Variants in DENND1A observed in about 807,000 individuals in gnomAD.
The protein encoded by DENND1A is DENN domain-containing protein 1A.
Under a neutral mutation model 113.7 loss-of-function variants are expected in DENND1A, and 51 were observed. The ratio of observed to expected loss-of-function variants is 0.45; its 90% CI spans 0.36 to 0.57. DENND1A has a LOEUF of 0.57. Ranked by LOEUF, DENND1A falls within the 20% of genes least tolerant of loss-of-function variation. The pLI is 0.00. For missense variants in DENND1A, 1,258 were observed against 1,395.9 expected, an observed-to-expected ratio of 0.90 and a Z score of 1.57; for synonymous variants, 565 against 570.8, an observed-to-expected ratio of 0.99 and a Z score of 0.14.
chr9:123,852,645 C>A (rs974677007), intron 2 of DENND1A, among the ~76,000 whole-genome samples: 1 of 152,192 alleles, frequency 6.6e-6, no homozygotes, highest in Non-Finnish European at 1.5e-5. Context: ...TCCCAGTGCA[C>A]TTATGCGACG....
chr9:123,673,815 C>T (rs2063885938), intron 6 of DENND1A, among the ~76,000 whole-genome samples: 1 of 152,200 alleles, frequency 6.6e-6, no homozygotes, highest in South Asian at 2.1e-4. Context: ...TCTGTGACTT[C>T]ATCCTACGAA....
chr9:123,504,654 T>C (rs1049266892), intron 13 of DENND1A, among the ~76,000 whole-genome samples: 11 of 152,204 alleles, frequency 7.2e-5, no homozygotes, highest in Admixed American at 2.6e-4. Context: ...CATGGGTCTT[T>C]GGAGACCTGC....
intron 5 of DENND1A, among the ~76,000 whole-genome samples, chr9:123,731,733 A>G (rs1317723282): frequency 6.6e-6 from 1 of 152,228 alleles, no homozygotes; most frequent in Non-Finnish European, 1.5e-5. Context: ...TGATTTTATC[A>G]AAATTAAAAT....
chr9:123,564,980 CTTTTTTTTTTTTTTTT>C lies in DENND1A; in HGVS notation c.868-7301_868-7286del, dbSNP rs199613371. 4.9e-3 allele frequency among the ~76,000 whole-genome samples: 368 copies of C among 75,742 alleles called. 5 individuals are homozygous for C. Among genetic ancestry groups the C allele is most frequent in the African/African-American group, 0.017 (326 of 19,052 alleles). The allele number at this position is 75,742 out of a possible 152,430, so 49.7% of individuals were successfully genotyped here. A position where few individuals can be genotyped will look rare whatever the true frequency, so the allele number is the denominator to read the frequency against. Reference sequence around the variant, plus strand: ...AGAATCCAATTAATGTCTGTCCCTTCTTTTTTTTTTTTTTTTTTTTTTTTTCAGATGGAGTCTCACT... The same window carrying C: ...AGAATCCAATTAATGTCTGTCCCTTCTTTTTTTTTCAGATGGAGTCTCACT... On this transcript the variant is annotated intron_variant, in intron 12 of 23. Transcript: ENST00000394215.
intron 5 of DENND1A, among the ~76,000 whole-genome samples, chr9:123,719,926 A>G (rs1358657373): frequency 2.0e-5 from 3 of 152,200 alleles, no homozygotes; most frequent in African/African-American, 7.2e-5. Flanking sequence ...ATTTTCAGAT[A>G]AGGGATGCTC....
intron 13 of DENND1A, among the ~76,000 whole-genome samples, chr9:123,472,329 A>C (rs1486389968): frequency 6.6e-6 from 1 of 152,130 alleles, no homozygotes; most frequent in Non-Finnish European, 1.5e-5. Flanking sequence ...ACTGGGAAGC[A>C]GGTGGAGGGC....
intron 2 of DENND1A, among the ~76,000 whole-genome samples, chr9:123,815,343 T>C (rs1235336917): frequency 1.3e-5 from 2 of 152,364 alleles, no homozygotes; most frequent in East Asian, 3.9e-4. Context: ...AGCAAATGTG[T>C]AAAGTCTGAC....
chr9:123,808,886 C>T (rs1419768244), intron 2 of DENND1A, among the ~76,000 whole-genome samples: 1 of 152,172 alleles, frequency 6.6e-6, no homozygotes, highest in East Asian at 1.9e-4. Flanking sequence ...ATGTGTTAAC[C>T]CTAAGCATTC....
At chr9:123,663,662 G>T (rs541026752) in intron 8 of DENND1A, among the ~76,000 whole-genome samples, 2 of 151,954 alleles carry the variant, frequency 1.3e-5, no homozygotes, top group East Asian at 3.9e-4. Flanking sequence ...GGGTTGGAGG[G>T]GGTGGTGGTA....
chr9:123,387,152 C>T (rs768956916), intron 22 of DENND1A, among the ~76,000 whole-genome samples: 13 of 152,084 alleles, frequency 8.5e-5, no homozygotes, highest in East Asian at 1.9e-4. Context: ...GGAAGGAGGG[C>T]GACAGCAGCT....
At chr9:123,395,507 AGAGAGAGT>A (rs1301491981) in intron 21 of DENND1A, among the ~76,000 whole-genome samples, 2 of 115,404 alleles carry the variant, frequency 1.7e-5, no homozygotes, top group East Asian at 2.9e-4. Flanking sequence ...AGAGAGAGAG[AGAGAGAGT>A]GAGAGTGAGA....
intron 1 of DENND1A, among the ~76,000 whole-genome samples, chr9:123,901,085 G>A (rs1851541654): frequency 6.6e-6 from 1 of 152,166 alleles, no homozygotes; most frequent in Non-Finnish European, 1.5e-5. Flanking sequence ...TAGGTGTATG[G>A]ATTTTAATCT....
intron 20 of DENND1A, among the ~76,000 whole-genome samples, chr9:123,409,293 T>G (rs2044124252): frequency 6.6e-6 from 1 of 151,946 alleles, no homozygotes; most frequent in South Asian, 2.1e-4. Flanking sequence ...GACTGAATTT[T>G]TTTTCTTCCC....
chr9:123,807,847 G>C (rs1467467960), intron 2 of DENND1A, among the ~76,000 whole-genome samples: 1 of 152,198 alleles, frequency 6.6e-6, no homozygotes, highest in Non-Finnish European at 1.5e-5. Flanking sequence ...ATCCCCAGAA[G>C]ATCAGGAGAG....
Position 123,403,401 on chromosome 9 carries a change from C to G in DENND1A, c.1631+1G>C. On this transcript the variant is annotated splice_donor_variant, in intron 21 of 23. Coordinates refer to ENST00000394215, the MANE Select transcript of DENND1A (RefSeq NM_001352964.2). LOFTEE classifies it high-confidence loss of function. ...ACAGAGGGGAGAGGCACAATACTCACTGCTCAGGGCTCGGCACAGACGTCC... is the reference window on the plus strand; with the variant it reads ...ACAGAGGGGAGAGGCACAATACTCAGTGCTCAGGGCTCGGCACAGACGTCC... 1 of 1,614,042 alleles carries G rather than the reference C, an allele frequency of 6.2e-7. No individual in the cohort carries two copies. The highest frequency in any genetic ancestry group is 8.5e-7 in the Non-Finnish European group (1 of 1,179,966).
chr9:123,816,539 T>G (rs1283281291), intron 2 of DENND1A, among the ~76,000 whole-genome samples: 1 of 152,226 alleles, frequency 6.6e-6, no homozygotes, highest in Non-Finnish European at 1.5e-5. Flanking sequence ...TTTTACAAAC[T>G]TATTATAATA....
chr9:123,616,338 A>C (rs1335682433), intron 10 of DENND1A, among the ~76,000 whole-genome samples: 1 of 152,194 alleles, frequency 6.6e-6, no homozygotes, highest in Non-Finnish European at 1.5e-5. Context: ...CGCTACTCTT[A>C]CTTGCTAGTG....
At chr9:123,878,621 G>A (rs1379086325) in intron 2 of DENND1A, among the ~76,000 whole-genome samples, 3 of 152,136 alleles carry the variant, frequency 2.0e-5, no homozygotes, top group African/African-American at 7.2e-5. Context: ...TAGACTAGAG[G>A]TGAAGCCCTG....
intron 9 of DENND1A, among the ~76,000 whole-genome samples, chr9:123,651,492 A>C (rs867572827): frequency 1.3e-5 from 2 of 152,260 alleles, no homozygotes; most frequent in African/African-American, 4.8e-5. Flanking sequence ...CCTTCACTGT[A>C]AACAAGCACC....
Sources: allele counts gnomAD v4.1 joint callset (sites outside exome capture counted in the v4.1 genomes callset), GRCh38; gene constraint gnomAD v4.1.1; transcripts MANE v1.5; gene names NCBI Gene and HGNC (gene_info 2026-07-23, HGNC 2026-07-21).